The following PEX14 variants were observed in gnomAD, a reference collection of about 807,000 sequenced individuals.
The protein encoded by PEX14 is peroxisomal biogenesis factor 14, also known as peroxisomal membrane protein PEX14.
Under a neutral mutation model 49.5 loss-of-function variants are expected in PEX14, and 15 were observed. That is an observed-to-expected ratio of 0.30 (90% CI 0.20 to 0.47). The LOEUF (loss-of-function observed/expected upper bound fraction) is 0.47, where lower values mean the gene tolerates loss of function less well. Ranked by LOEUF, PEX14 falls within the 20% of genes least tolerant of loss-of-function variation. The pLI, the probability that PEX14 is intolerant of heterozygous loss-of-function variation, is 1.00. For synonymous variants in PEX14, 210 were observed against 212.7 expected (o/e 0.99, Z 0.11); for missense variants, 398 against 494.8 (o/e 0.80, Z 1.86).
At chr1:10,627,733 C>A (rs1269960456) in intron 8 of PEX14, among the ~76,000 whole-genome samples, 1 of 152,160 alleles carries the variant, frequency 6.6e-6, no homozygotes, top group Non-Finnish European at 1.5e-5. Flanking sequence ...CAGGGAAAGC[C>A]CCTGCGGGAG....
intron 3 of PEX14, among the ~76,000 whole-genome samples, chr1:10,582,814 A>G (rs1570305332): frequency 1.3e-5 from 2 of 151,880 alleles, no homozygotes; most frequent in Admixed American, 1.3e-4. Context: ...GCTCACTGTG[A>G]CCTCCGCCTC....
intron 2 of PEX14, among the ~76,000 whole-genome samples, chr1:10,503,971 T>C (rs1641733785): frequency 6.6e-6 from 1 of 152,166 alleles, no homozygotes; most frequent in South Asian, 2.1e-4. Context: ...TGGCCTCAAA[T>C]GATCCACCCG....
intron 3 of PEX14, among the ~76,000 whole-genome samples, chr1:10,558,978 T>C (rs747050817): frequency 3.3e-5 from 5 of 152,226 alleles, no homozygotes; most frequent in Non-Finnish European, 5.9e-5. Flanking sequence ...ATTTTCTAAT[T>C]GATCTTTGCC....
At chr1:10,492,689 G>A (rs1229764400) in intron 1 of PEX14, among the ~76,000 whole-genome samples, 1 of 152,208 alleles carries the variant, frequency 6.6e-6, no homozygotes, top group Non-Finnish European at 1.5e-5. Flanking sequence ...CCATTCAGCT[G>A]AGTTGTTGCC....
At chr1:10,552,667 A>C (rs1214155665) in intron 3 of PEX14, among the ~76,000 whole-genome samples, 1 of 152,212 alleles carries the variant, frequency 6.6e-6, no homozygotes, top group Non-Finnish European at 1.5e-5. Context: ...AAGATTTAAT[A>C]TTTGTAGTTT....
chr1:10,578,492 G>T (rs992647611), intron 3 of PEX14, among the ~76,000 whole-genome samples: 3 of 152,028 alleles, frequency 2.0e-5, no homozygotes, highest in Non-Finnish European at 4.4e-5. Context: ...GAAGAAAACA[G>T]AATCCAGAGC....
At chr1:10,581,305 CTTTTT>C (rs71583884) in intron 3 of PEX14, among the ~76,000 whole-genome samples, 1 of 126,988 alleles carries the variant, frequency 7.9e-6, no homozygotes, top group Non-Finnish European at 1.6e-5. Context: ...CTTTGTTATC[CTTTTT>C]TTTTTTTTTT....
At chr1:10,481,346 G>T (rs1392779806) in intron 1 of PEX14, among the ~76,000 whole-genome samples, 4 of 152,120 alleles carry the variant, frequency 2.6e-5, no homozygotes, top group Non-Finnish European at 5.9e-5. Context: ...TGCCATGTTG[G>T]CCGGGATGGT....
At chr1:10,542,080 T>TAA (rs35907096) in intron 3 of PEX14, among the ~76,000 whole-genome samples, 10 of 151,748 alleles carry the variant, frequency 6.6e-5, no homozygotes, top group Non-Finnish European at 1.2e-4. Flanking sequence ...CATGTATTAG[T>TAA]AAAAAAAAAT....
At chr1:10,575,272 G>T (rs920855985) in intron 3 of PEX14, among the ~76,000 whole-genome samples, 2 of 152,066 alleles carry the variant, frequency 1.3e-5, no homozygotes, top group Admixed American at 1.3e-4. Flanking sequence ...TATATAAAGC[G>T]AAAGCTATTA....
intron 3 of PEX14, among the ~76,000 whole-genome samples, chr1:10,592,285 G>A (rs1386366179): frequency 1.3e-5 from 2 of 152,072 alleles, no homozygotes; most frequent in Admixed American, 1.3e-4. Context: ...TTTTCTACCT[G>A]TTGCCAAAGA....
intron 3 of PEX14, among the ~76,000 whole-genome samples, chr1:10,583,921 A>G (rs964691013): frequency 6.6e-6 from 1 of 151,672 alleles, no homozygotes; most frequent in African/African-American, 2.4e-5. Context: ...ACGAGGTCAC[A>G]GCATTCACAG....
intron 3 of PEX14, among the ~76,000 whole-genome samples, chr1:10,583,065 G>C (rs946410131): frequency 5.3e-5 from 8 of 151,854 alleles, no homozygotes; most frequent in Admixed American, 2.6e-4. Flanking sequence ...TTACCTCTGG[G>C]GATTCTTGGA....
chr1:10,500,464 T>A (rs1375264599), intron 2 of PEX14, among the ~76,000 whole-genome samples: 2 of 151,474 alleles, frequency 1.3e-5, no homozygotes. Flanking sequence ...CATGTATTCC[T>A]GGCACAGTCT....
At chr1:10,515,491 A>T (rs968024578) in intron 2 of PEX14, among the ~76,000 whole-genome samples, 8 of 152,126 alleles carry the variant, frequency 5.3e-5, no homozygotes, top group Non-Finnish European at 1.2e-4. Context: ...CCCTTGAGAC[A>T]CCCTGGAAAG....
intron 3 of PEX14, among the ~76,000 whole-genome samples, chr1:10,553,477 G>A (rs1195437023): frequency 6.6e-6 from 1 of 152,192 alleles, no homozygotes; most frequent in East Asian, 1.9e-4. Flanking sequence ...GCTTCTACAG[G>A]GTGACCGTTA....
chr1:10,478,727 C>G (rs1468669802), intron 1 of PEX14, among the ~76,000 whole-genome samples: 1 of 151,866 alleles, frequency 6.6e-6, no homozygotes, highest in African/African-American at 2.4e-5. Context: ...TACAGGTGTG[C>G]ACCACCATGC....
At chr1:10,568,132 G>A (rs1220021380) in intron 3 of PEX14, among the ~76,000 whole-genome samples, 1 of 151,966 alleles carries the variant, frequency 6.6e-6, no homozygotes, top group Non-Finnish European at 1.5e-5. Context: ...CTTCTTTTCC[G>A]TTGCTTATAT....
chr1:10,580,501 A>C (rs1468033612), intron 3 of PEX14, among the ~76,000 whole-genome samples: 1 of 152,112 alleles, frequency 6.6e-6, no homozygotes, highest in Non-Finnish European at 1.5e-5. Flanking sequence ...TTGGGGTTAC[A>C]GGCGTGAGCC....
Sources: gnomAD v4.1 joint callset for allele counts (sites outside exome capture counted in the v4.1 genomes callset) on GRCh38, gnomAD v4.1.1 for gene constraint, MANE v1.5 for transcripts, NCBI Gene and HGNC (gene_info 2026-07-23, HGNC 2026-07-21) for gene names.